ANO3: variants seen among roughly 807,000 people sequenced by gnomAD.
ANO3 encodes the protein anoctamin 3, also known as anoctamin-3.
Under a neutral mutation model 144.8 loss-of-function variants are expected in ANO3, and 99 were observed. The ratio of observed to expected loss-of-function variants is 0.68; its 90% confidence interval spans 0.58 to 0.81. The LOEUF is 0.81. ANO3 is among the 30% of genes least tolerant of loss of function. ANO3 has a pLI of 0.00. For synonymous variants in ANO3, 414 were observed against 392.6 expected, an observed-to-expected ratio of 1.05 and a Z score of -0.64; for missense variants, 905 against 1,202.2, an observed-to-expected ratio of 0.75 and a Z score of 3.66.
Position 26,563,387 on chromosome 11 carries a change from TTC to T in ANO3, c.1447+3616_1447+3617del, listed in dbSNP as rs768122711. 2,178 of 889,006 alleles carry T rather than the reference TTC, an allele frequency of 2.4e-3. 25 individuals carry two copies. Among genetic ancestry groups the T allele is most frequent in the East Asian group, 0.022 (758 of 34,652 alleles). The allele number at this position is 889,006 out of a possible 1,614,324, so 55.1% of individuals were successfully genotyped here. Reference sequence around the variant, plus strand: ...ATTTTAAAATTAGATAATGGTGTGTTTCTCTCTCTGTGTGTGTGTGTGTGTGT... The same window carrying T: ...ATTTTAAAATTAGATAATGGTGTGTTTCTCTCTGTGTGTGTGTGTGTGTGT... On this transcript the variant is annotated intron_variant, in intron 14 of 26. Coordinates refer to ENST00000256737, the MANE Select transcript of ANO3 (RefSeq NM_031418.4).
intron 1 of ANO3, among the ~76,000 whole-genome samples, chr11:26,379,116 A>G (rs1856505958): frequency 6.6e-6 from 1 of 152,144 alleles, no homozygotes; most frequent in African/African-American, 2.4e-5. Flanking sequence ...AATATCAATT[A>G]GGAGCCACCC....
At chr11:26,572,482 C>T (rs1031833455) in intron 14 of ANO3, among the ~76,000 whole-genome samples, 48 of 151,986 alleles carry the variant, frequency 3.2e-4, no homozygotes, top group African/African-American at 1.1e-3. Context: ...TGCTGGGCCC[C>T]CTGCTCCTTG....
At chr11:26,424,388 C>T (rs1857858560) in intron 1 of ANO3, among the ~76,000 whole-genome samples, 1 of 151,932 alleles carries the variant, frequency 6.6e-6, no homozygotes, top group African/African-American at 2.4e-5. Context: ...ATAACACTGC[C>T]TGTGTTTTCA....
chr11:26,411,592 A>G (rs1472551909), intron 1 of ANO3, among the ~76,000 whole-genome samples: 1 of 152,000 alleles, frequency 6.6e-6, no homozygotes, highest in African/African-American at 2.4e-5. Flanking sequence ...ATATGCTCAC[A>G]AAATTTAGCC....
intron 1 of ANO3, among the ~76,000 whole-genome samples, chr11:26,404,597 T>A (rs1487557457): frequency 6.6e-6 from 1 of 151,846 alleles, no homozygotes; most frequent in Non-Finnish European, 1.5e-5. Context: ...GTAGCAGTAA[T>A]CACAGGAGCA....
At position 26,503,666 on chromosome 11, in the gene ANO3, G is replaced by T. The variant is rs578111594; in HGVS notation, c.433-4438G>T. On this transcript the variant is annotated intron_variant, in intron 4 of 26. Coordinates refer to ENST00000256737, the MANE Select transcript of ANO3 (RefSeq NM_031418.4). ...TATATAATAATTAAAAATTCATTTAGTAAGTTTGTGAACTTATTTACTCAC... is the reference window on the plus strand; with the variant it reads ...TATATAATAATTAAAAATTCATTTATTAAGTTTGTGAACTTATTTACTCAC... 1.0e-3 allele frequency among the ~76,000 whole-genome samples: 158 copies of T among 152,050 alleles called. 1 individual carries two copies. Among genetic ancestry groups the T allele is most frequent in the Non-Finnish European group, 3.2e-4 (22 of 67,926 alleles).
At chr11:26,639,332 G>A in intron 21 of ANO3, 91 bp downstream of exon 21, 1 of 877,632 alleles carries the variant, frequency 1.1e-6, no homozygotes, top group African/African-American at 1.7e-5. Context: ...TTTGGTCTTG[G>A]TAATCAGACA....
At chr11:26,580,985 T>G (rs1565120974) in intron 14 of ANO3, among the ~76,000 whole-genome samples, 1 of 152,176 alleles carries the variant, frequency 6.6e-6, no homozygotes. Flanking sequence ...TGTCAGAAAC[T>G]TACGTAAACG....
intron 4 of ANO3, among the ~76,000 whole-genome samples, chr11:26,468,216 A>G (rs568549788): frequency 1.3e-5 from 2 of 152,074 alleles, no homozygotes; most frequent in South Asian, 2.1e-4. Context: ...CGTAGTGGGC[A>G]TTAGTGAAGC....
chr11:26,368,246 A>G (rs899150219), intron 1 of ANO3, among the ~76,000 whole-genome samples: 4 of 152,216 alleles, frequency 2.6e-5, no homozygotes, highest in Non-Finnish European at 5.9e-5. Context: ...TCTCTGCTTC[A>G]TCACTGTGAA....
intron 14 of ANO3, among the ~76,000 whole-genome samples, chr11:26,595,477 T>G (rs1247135168): frequency 8.1e-5 from 12 of 147,504 alleles, no homozygotes; most frequent in Admixed American, 3.4e-4. Context: ...TTTTTTTTTT[T>G]TTTTTTTTTT....
At chr11:26,529,069 A>G (rs1232942090) in intron 7 of ANO3, among the ~76,000 whole-genome samples, 1 of 127,090 alleles carries the variant, frequency 7.9e-6, no homozygotes, top group Non-Finnish European at 1.6e-5. Flanking sequence ...TATTATTTCA[A>G]ATTATACATG....
chr11:26,227,904 T>C (rs927275125), intron 1 of ANO3, among the ~76,000 whole-genome samples: 4 of 152,164 alleles, frequency 2.6e-5, no homozygotes, highest in African/African-American at 9.7e-5. Flanking sequence ...TTGTGGTCAG[T>C]GTGATTGGAA....
At chr11:26,369,989 A>T (rs1856203423) in intron 1 of ANO3, among the ~76,000 whole-genome samples, 1 of 152,220 alleles carries the variant, frequency 6.6e-6, no homozygotes, top group Non-Finnish European at 1.5e-5. Context: ...TGATGTGAGG[A>T]TTAAACCTTG....
At position 26,657,040 on chromosome 11, in the gene ANO3, T is replaced by C. The variant is rs370920295; in HGVS notation, c.2763+559T>C. 2.6e-5 allele frequency among the ~76,000 whole-genome samples: 4 copies of C among 152,288 alleles called. No individual in the cohort carries two copies. The East Asian group carries it at 7.7e-4, about 29-fold the overall frequency. On this transcript the variant is annotated intron_variant, in intron 26 of 26. Coordinates refer to ENST00000256737, the MANE Select transcript of ANO3 (RefSeq NM_031418.4). ...CAGAAGCTATTGTATTATTGCCTTG[T>C]TTAGCATACAATTATTTCAATACAG...
intron 1 of ANO3, among the ~76,000 whole-genome samples, chr11:26,409,483 A>G (rs1000390072): frequency 6.6e-6 from 1 of 151,864 alleles, no homozygotes; most frequent in South Asian, 2.1e-4. Flanking sequence ...CCTCCAGTAT[A>G]TAACACTGGA....
intron 4 of ANO3, among the ~76,000 whole-genome samples, chr11:26,482,976 T>C (rs1860284326): frequency 1.3e-5 from 2 of 152,180 alleles, no homozygotes; most frequent in Admixed American, 1.3e-4. Flanking sequence ...CAGTCACCTA[T>C]TGATGGACAC....
At chr11:26,607,283 T>G (rs1851963384) in intron 17 of ANO3, among the ~76,000 whole-genome samples, 1 of 152,212 alleles carries the variant, frequency 6.6e-6, no homozygotes, top group Non-Finnish European at 1.5e-5. Context: ...TTGGAGAATC[T>G]GATAACTATG....
chr11:26,434,552 T>C (rs1434610890), intron 1 of ANO3, among the ~76,000 whole-genome samples: 1 of 152,194 alleles, frequency 6.6e-6, no homozygotes, highest in Non-Finnish European at 1.5e-5. Flanking sequence ...AACTTATTGA[T>C]GTGGGCATTT....
Sources: gnomAD v4.1 joint callset for allele counts (sites outside exome capture counted in the v4.1 genomes callset) on GRCh38, gnomAD v4.1.1 for gene constraint, MANE v1.5 for transcripts, NCBI Gene and HGNC (gene_info 2026-07-23, HGNC 2026-07-21) for gene names.